The following ZHX3 variants were observed in gnomAD, a reference collection of about 807,000 sequenced individuals.
The protein encoded by ZHX3 is zinc fingers and homeoboxes 3.
In ZHX3, 20 loss-of-function variants were observed where a neutral mutation model predicts 64.5. The ratio of observed to expected loss-of-function variants is 0.31; its 90% confidence interval spans 0.22 to 0.45. The LOEUF (loss-of-function observed/expected upper bound fraction) is 0.45. ZHX3 is among the 20% of genes least tolerant of loss of function. The pLI, the probability that ZHX3 is intolerant of heterozygous loss-of-function variation, is 1.00. For synonymous variants in ZHX3, 423 were observed against 461.6 expected (o/e 0.92, Z 1.07); for missense variants, 1,041 against 1,195.8 (o/e 0.87, Z 1.91).
At chr20:41,303,539 C>G (rs1218718567) in intron 1 of ZHX3, among the ~76,000 whole-genome samples, 1 of 152,174 alleles carries the variant, frequency 6.6e-6, no homozygotes, top group Non-Finnish European at 1.5e-5. Flanking sequence ...AAAATAGAAG[C>G]TTTTACAAGG....
At position 41,204,379 on chromosome 20, in the gene ZHX3, T is replaced by C; in HGVS notation, c.538A>G (p.Ile180Val). The change falls in exon 3 of 4, where the codon ATC (isoleucine) becomes GTC (valine). Residue 180 changes from isoleucine (I) to valine (V), a missense_variant. Transcript: ENST00000683867. The surrounding 1 kb of genome is among the most constrained non-coding windows in gnomAD (Gnocchi z 6.6). ...TTCATGATTGGAGTTTTGGTAATGA[T>C]GATTTCTGCCTGTCCATCAGCCCCT... Reference protein sequence around the residue: ...AEGADGQAEIIITKTPIMKIM... With the variant: ...AEGADGQAEIVITKTPIMKIM... 2 of 1,614,240 alleles carry C rather than the reference T, an allele frequency of 1.2e-6. No individual in the cohort carries two copies. The highest frequency in any genetic ancestry group is 8.5e-7 in the Non-Finnish European group (1 of 1,180,042).
intron 2 of ZHX3, among the ~76,000 whole-genome samples, chr20:41,214,513 C>G (rs200439094): frequency 3.9e-5 from 6 of 152,140 alleles, no homozygotes; most frequent in Admixed American, 2.6e-4. Context: ...GGCTACAGAC[C>G]TCTTGAAGTA....
intron 2 of ZHX3, among the ~76,000 whole-genome samples, chr20:41,220,666 T>TTTTTGGTTTTTTTTG (rs1190292852): frequency 2.6e-5 from 4 of 152,088 alleles, no homozygotes; most frequent in African/African-American, 7.2e-5. Flanking sequence ...GATACAGTTT[T>TTTTTGGTTTTTTTTG]TTTTGGTTTT....
intron 1 of ZHX3, among the ~76,000 whole-genome samples, chr20:41,277,070 G>A (rs188220357): frequency 5.3e-5 from 8 of 152,300 alleles, no homozygotes; most frequent in Non-Finnish European, 7.4e-5. Context: ...ACCTTTGAAT[G>A]GTGAAGACAG....
At position 41,232,544 on chromosome 20, in the gene ZHX3, T is replaced by A. The variant is rs931892002; in HGVS notation, c.-150-27478A>T. 2.6e-5 allele frequency among the ~76,000 whole-genome samples: 4 copies of A among 152,096 alleles called. No homozygotes were observed. In the South Asian group the frequency reaches 8.3e-4, roughly 31 times the overall value. The stretch of plus-strand genomic sequence containing the variant: ...GTGGAAAAGAAAGAGATATGAAAAT[T>A]GAAACACAGCACCCTCTGGTGTACA... On this transcript the variant is annotated intron_variant, in intron 2 of 3. Transcript: ENST00000683867. This position sits in a 1 kb window ranked among gnomAD's most constrained non-coding sequence, Gnocchi z 5.0.
chr20:41,227,159 G>A (rs1421901971), intron 2 of ZHX3, among the ~76,000 whole-genome samples: 1 of 152,074 alleles, frequency 6.6e-6, no homozygotes, highest in East Asian at 1.9e-4. Context: ...TATTTTCCCA[G>A]AGCTCTTCAT....
intron 1 of ZHX3, among the ~76,000 whole-genome samples, chr20:41,312,656 T>C (rs1204882414): frequency 6.6e-6 from 1 of 152,148 alleles, no homozygotes; most frequent in African/African-American, 2.4e-5. Flanking sequence ...GAGGAGGAGA[T>C]GTTTTAGCTG....
intron 2 of ZHX3, among the ~76,000 whole-genome samples, chr20:41,258,348 T>C (rs1432656467): frequency 1.3e-5 from 2 of 152,188 alleles, no homozygotes; most frequent in African/African-American, 4.8e-5. Flanking sequence ...ACCAGAACTT[T>C]AATATTAATA....
In ZHX3 at chr20:41,282,361, C is replaced by CTTTTTTTTTT. The variant is rs568284480; in HGVS notation, c.-244-13288_-244-13279dup. ...TAGAGGTCCATTAGACACAATTCAT[C>CTTTTTTTTTT]TTTTTTTTTTTTTTTTTTTGCGAAG... is the stretch of plus-strand genomic sequence containing the variant. On this transcript the variant is annotated intron_variant, in intron 1 of 3. Transcript: ENST00000683867. Among the ~76,000 whole-genome samples, 519 of 97,150 alleles carry CTTTTTTTTTT rather than the reference C, an allele frequency of 5.3e-3. 33 individuals carry two copies. Among genetic ancestry groups the CTTTTTTTTTT allele is most frequent in the African/African-American group, 8.3e-3 (218 of 26,268 alleles). 63.7% of individuals were successfully genotyped at this position (97,150 alleles called of 152,430 possible).
chr20:41,300,979 A>G (rs890660098), intron 1 of ZHX3, among the ~76,000 whole-genome samples: 5 of 152,190 alleles, frequency 3.3e-5, no homozygotes, highest in Admixed American at 2.0e-4. Flanking sequence ...GCCTAGACTT[A>G]GGTAACCACA....
intron 2 of ZHX3, among the ~76,000 whole-genome samples, chr20:41,229,661 G>A (rs942571798): frequency 6.6e-6 from 1 of 151,986 alleles, no homozygotes; most frequent in Non-Finnish European, 1.5e-5. Flanking sequence ...TTATATTAAC[G>A]TTGAGTATTT....
intron 2 of ZHX3, among the ~76,000 whole-genome samples, chr20:41,243,498 G>T (rs1361969733): frequency 6.6e-6 from 1 of 152,088 alleles, no homozygotes; most frequent in Non-Finnish European, 1.5e-5. Context: ...TTAGGAAATG[G>T]ATATTATTTC....
rs539952889 is a variant in ZHX3, at chr20:41,226,169, G to C, written c.-150-21103C>G. Reference sequence around the variant, plus strand: ...TCCCAGCACTTTGGGAGGCCGAGGCGGGTGGATCATGAGGTCAGGAGATCG... The same window carrying C: ...TCCCAGCACTTTGGGAGGCCGAGGCCGGTGGATCATGAGGTCAGGAGATCG... On this transcript the variant is annotated intron_variant, in intron 2 of 3. Coordinates refer to ENST00000683867, the MANE Select transcript of ZHX3 (RefSeq NM_001384317.1). The surrounding 1 kb of genome is among the most constrained non-coding windows in gnomAD (Gnocchi z 4.4). Among the ~76,000 whole-genome samples the C allele has an allele frequency of 6.6e-6, 1 of 152,008 alleles. No individual in the cohort carries two copies. The highest frequency in any genetic ancestry group is 2.4e-5 in the African/African-American group (1 of 41,388).
chr20:41,246,421 C>G (rs1219885477), intron 2 of ZHX3, among the ~76,000 whole-genome samples: 3 of 152,204 alleles, frequency 2.0e-5, no homozygotes, highest in Non-Finnish European at 4.4e-5. Flanking sequence ...CTCACTCACT[C>G]ATACTTTTTG....
chr20:41,247,659 G>A lies in ZHX3; in HGVS notation c.-151+21331C>T, dbSNP rs190383514. 4.5e-4 allele frequency among the ~76,000 whole-genome samples: 69 copies of A among 152,204 alleles called. 2 individuals are homozygous for A. The South Asian group carries it at 6.9e-3, about 15-fold the overall frequency. ...CTTGCACCCTGAGTAAGGTTTTGCA[G>A]CACCATCCTTCTCCTGTGGCTTGTA... On this transcript the variant is annotated intron_variant, in intron 2 of 3. Coordinates refer to ENST00000683867, the MANE Select transcript of ZHX3 (RefSeq NM_001384317.1).
chr20:41,271,121 A>G (rs535280718), intron 1 of ZHX3, among the ~76,000 whole-genome samples: 2 of 152,262 alleles, frequency 1.3e-5, no homozygotes, highest in South Asian at 4.1e-4. Flanking sequence ...CCCAAGTCCA[A>G]GCATTTCTCC....
Position 41,277,377 on chromosome 20 carries a change from G to A in ZHX3, c.-244-8294C>T, listed in dbSNP as rs76585768. Among the ~76,000 whole-genome samples the A allele has an allele frequency of 2.4e-3, 369 of 152,216 alleles. 1 individual carries two copies. Among genetic ancestry groups the A allele is most frequent in the African/African-American group, 8.3e-3 (346 of 41,540 alleles). On this transcript the variant is annotated intron_variant, in intron 1 of 3. Transcript: ENST00000683867. Reference sequence around the variant, plus strand: ...TTTTTGTAACATTTTTTAATGGCACGAAGTCAGTTTTCCATCATGTTGCAT... The same window carrying A: ...TTTTTGTAACATTTTTTAATGGCACAAAGTCAGTTTTCCATCATGTTGCAT...
chr20:41,292,237 T>C (rs1159245737), intron 1 of ZHX3, among the ~76,000 whole-genome samples: 1 of 152,150 alleles, frequency 6.6e-6, no homozygotes, highest in Non-Finnish European at 1.5e-5. Context: ...ATTCAACTTT[T>C]GTGACACATT....
At position 41,204,131 on chromosome 20, in the gene ZHX3, T is replaced by C; in HGVS notation, c.786A>G (p.Pro262=). Residue 262 remains proline, a synonymous_variant, in exon 3 of 4, where the codon CCA becomes CCG. Transcript: ENST00000683867. This position sits in a 1 kb window ranked among gnomAD's most constrained non-coding sequence, Gnocchi z 6.6. The part of the protein sequence containing the change: ...AANGPLIGTV[P]VLPAGIAQFL... ...ACTGTGCTATGCCAGCTGGCAAAAC[T>C]GGCACTGTTCCTATCAGGGGCCCGT... The C allele has an allele frequency of 6.2e-7, 1 of 1,605,982 alleles. No homozygotes were observed. The highest frequency in any genetic ancestry group is 1.1e-5 in the South Asian group (1 of 89,600).
Sources: allele counts gnomAD v4.1 joint callset (sites outside exome capture counted in the v4.1 genomes callset), GRCh38; gene constraint gnomAD v4.1.1; non-coding constraint Gnocchi (gnomAD v3.1); transcripts MANE v1.5; gene names NCBI Gene and HGNC (gene_info 2026-07-23, HGNC 2026-07-21).